ASB4: variants seen among roughly 807,000 people sequenced by gnomAD.
ASB4 encodes ankyrin repeat and SOCS box containing 4, also known as ankyrin repeat and SOCS box protein 4.
In ASB4, 35 loss-of-function variants were observed where a neutral mutation model predicts 38.6. The ratio of observed to expected loss-of-function variants is 0.91; its 90% CI spans 0.69 to 1.20. ASB4 has a LOEUF of 1.20. Ranked by LOEUF, ASB4 falls within the 50% of genes most tolerant of loss-of-function variation. ASB4 has a pLI of 0.00. For missense variants in ASB4, 557 were observed against 527.2 expected, an observed-to-expected ratio of 1.06 and a Z score of -0.55; for synonymous variants, 195 against 201.3, an observed-to-expected ratio of 0.97 and a Z score of 0.26.
intron 3 of ASB4, among the ~76,000 whole-genome samples, chr7:95,534,710 T>G (rs910354093): frequency 8.5e-5 from 13 of 152,328 alleles, no homozygotes; most frequent in African/African-American, 3.1e-4. Flanking sequence ...TGACTTATAT[T>G]GCTCTCTAAC....
rs1790912636 is a variant in ASB4 at position 95,537,580 on chromosome 7, G to A, written c.1102G>A (p.Asp368Asn). ...IPDDDLEKYW[D>N]FYHSLFTVCC... ...TTGCCTTCCTTTTCAGAAATACTGG[G>A]ATTTTTACCACTCTCTCTTTACTGT... Residue 368 changes from aspartate (D) to asparagine (N), a missense_variant, in exon 5 of 5, where the codon GAT (aspartate) becomes AAT (asparagine). Physicochemically the swap from Asp to Asn is conservative, Grantham distance 23. Transcript: ENST00000325885. 1.9e-6 allele frequency: 3 copies of A among 1,592,486 alleles called. No individual in the cohort carries two copies. In the South Asian group the frequency reaches 3.4e-5, roughly 18 times the overall value.
chr7:95,510,756 C>T (rs944300231), intron 2 of ASB4, among the ~76,000 whole-genome samples: 3 of 152,196 alleles, frequency 2.0e-5, no homozygotes, highest in African/African-American at 7.2e-5. Context: ...TTAAATTCTA[C>T]AATCAAAAAC....
At chr7:95,500,867 C>T (rs1790326777) in intron 2 of ASB4, among the ~76,000 whole-genome samples, 1 of 152,164 alleles carries the variant, frequency 6.6e-6, no homozygotes, top group African/African-American at 2.4e-5. Context: ...CTCCCTCCAG[C>T]AATTGTGCTC....
At position 95,493,361 on chromosome 7, in the gene ASB4, A is replaced by AGTGT. The variant is rs199528876; in HGVS notation, c.188-2370_188-2367dup. 2.4e-3 allele frequency among the ~76,000 whole-genome samples: 294 copies of AGTGT among 120,812 alleles called. 2 individuals are homozygous for AGTGT. The highest frequency in any genetic ancestry group is 5.4e-3 in the African/African-American group (184 of 34,180). 79.3% of individuals were successfully genotyped at this position (120,812 alleles called of 152,430 possible). A position where few individuals can be genotyped will look rare whatever the true frequency, so the allele number is the denominator to read the frequency against. On this transcript the variant is annotated intron_variant, in intron 1 of 4. Coordinates refer to ENST00000325885, the MANE Select transcript of ASB4 (RefSeq NM_016116.3). The stretch of plus-strand genomic sequence containing the variant: ...CTGAATGGAGTAAAAAAGAGATGAA[A>AGTGT]GTGTGTGTGTGTGTGTGTGTGTGTG...
upstream of ASB4, among the ~76,000 whole-genome samples, chr7:95,473,538 C>T (rs1789944846): frequency 6.6e-6 from 1 of 152,138 alleles, no homozygotes; most frequent in Admixed American, 6.5e-5. Context: ...CAATAAATCC[C>T]CATTAATGAG....
At chr7:95,515,174 TTTC>T (rs1790542121) in intron 2 of ASB4, among the ~76,000 whole-genome samples, 1 of 65,968 alleles carries the variant, frequency 1.5e-5, no homozygotes, top group Non-Finnish European at 3.2e-5. Flanking sequence ...TTTCTCTTTC[TTTC>T]TTTCTTTCTT....
chr7:95,499,892 G>A (rs1204823904), intron 2 of ASB4, among the ~76,000 whole-genome samples: 1 of 36,490 alleles, frequency 2.7e-5, no homozygotes, highest in African/African-American at 1.0e-4. Context: ...TTTTTTTTTT[G>A]AGACGGAGTC....
chr7:95,514,704 C>G (rs1790530913), intron 2 of ASB4, among the ~76,000 whole-genome samples: 1 of 152,138 alleles, frequency 6.6e-6, no homozygotes, highest in African/African-American at 2.4e-5. Flanking sequence ...AGAAGCGCAA[C>G]CTGGAGTCCA....
upstream of ASB4, among the ~76,000 whole-genome samples, chr7:95,474,257 A>C (rs1490528548): frequency 6.6e-6 from 1 of 152,022 alleles, no homozygotes; most frequent in Non-Finnish European, 1.5e-5. Context: ...TTACACATTT[A>C]TTTTTCTTGG....
intron 2 of ASB4, among the ~76,000 whole-genome samples, chr7:95,522,362 A>G (rs1395135025): frequency 1.3e-5 from 2 of 152,076 alleles, no homozygotes; most frequent in Non-Finnish European, 2.9e-5. Context: ...TATCAGTTCG[A>G]ATATGTAGCT....
rs1327518010 is a variant in ASB4 at position 95,539,274 on chromosome 7, T to G, written c.*1515T>G. 1 of 152,208 alleles carries G rather than the reference T, an allele frequency of 6.6e-6. No homozygotes were observed. The highest frequency in any genetic ancestry group is 1.5e-5 in the Non-Finnish European group (1 of 68,044). The allele number at this position is 152,208 out of a possible 1,614,324, so 9.4% of individuals were successfully genotyped here. ...GTCAGATATTCCAATAGGCTATCATTTAATGTTAACTGGCAATCACCTAAC... is the reference window on the plus strand; with the variant it reads ...GTCAGATATTCCAATAGGCTATCATGTAATGTTAACTGGCAATCACCTAAC... On this transcript the variant is annotated 3_prime_UTR_variant, in exon 5 of 5. Coordinates refer to ENST00000325885, the MANE Select transcript of ASB4 (RefSeq NM_016116.3).
chr7:95,482,174 A>G (rs1035856783), upstream of ASB4, among the ~76,000 whole-genome samples: 1 of 152,376 alleles, frequency 6.6e-6, no homozygotes, highest in South Asian at 2.1e-4. Flanking sequence ...GATTTTTAGC[A>G]GAATTATATA....
In ASB4 at chr7:95,528,216, C is replaced by T. The variant is rs536909102; in HGVS notation, c.891C>T (p.Ser297=). 1.3e-5 allele frequency: 21 copies of T among 1,614,200 alleles called. No individual in the cohort carries two copies. The East Asian group carries it at 4.0e-4, about 31-fold the overall frequency. The change falls in exon 3 of 5, where the codon TCC becomes TCT. Residue 297 remains serine, a synonymous_variant. Transcript: ENST00000325885. ...AAIQYVLKVT[S]VRPAAQPEIC... ...TCCAGTACGTGCTGAAGGTCACCTC[C>T]GTGCGCCCTGCTGCCCAGCCTGAGA...
downstream of ASB4, chr7:95,544,023 A>G (rs1028233766): frequency 2.0e-5 from 3 of 152,020 alleles, no homozygotes; most frequent in African/African-American, 7.3e-5. Context: ...TACAATTCTG[A>G]TCCTTTAGAT....
At chr7:95,516,429 C>T (rs1790584368) in intron 2 of ASB4, among the ~76,000 whole-genome samples, 1 of 151,996 alleles carries the variant, frequency 6.6e-6, no homozygotes, top group African/African-American at 2.4e-5. Context: ...AATAGCATGT[C>T]TAGAAAGATA....
chr7:95,533,133 T>C (rs1790841062), intron 3 of ASB4, among the ~76,000 whole-genome samples: 2 of 152,214 alleles, frequency 1.3e-5, no homozygotes, highest in Admixed American at 1.3e-4. Context: ...GAATTCTTTG[T>C]TCATTTATGT....
chr7:95,541,462 A>T (rs1170857767), downstream of ASB4, among the ~76,000 whole-genome samples: 1 of 152,128 alleles, frequency 6.6e-6, no homozygotes, highest in Non-Finnish European at 1.5e-5. Flanking sequence ...GTAGATTTCT[A>T]TTCACTTTGG....
upstream of ASB4, among the ~76,000 whole-genome samples, chr7:95,482,617 C>T (rs2116568564): frequency 6.6e-6 from 1 of 152,294 alleles, no homozygotes; most frequent in East Asian, 1.9e-4. Context: ...CTGAAGGACT[C>T]ACGTCATAGG....
At chr7:95,534,903 T>C (rs1479446286) in intron 3 of ASB4, among the ~76,000 whole-genome samples, 2 of 152,190 alleles carry the variant, frequency 1.3e-5, no homozygotes, top group Non-Finnish European at 2.9e-5. Context: ...TAATAGCCTC[T>C]TCTTGCCTGT....
Sources: allele counts gnomAD v4.1 joint callset (sites outside exome capture counted in the v4.1 genomes callset), GRCh38; gene constraint gnomAD v4.1.1; transcripts MANE v1.5; gene names NCBI Gene and HGNC (gene_info 2026-07-23, HGNC 2026-07-21).